The following ERBIN variants were observed in gnomAD, a reference collection of about 807,000 sequenced individuals.
ERBIN encodes erbb2 interacting protein, also known as densin-180-like protein.
Under a neutral mutation model 158.4 loss-of-function variants are expected in ERBIN, and 60 were observed. That is an observed-to-expected ratio of 0.38 (90% CI 0.31 to 0.47). The LOEUF is 0.47. Among genes scored for constraint, ERBIN ranks in the 20% least tolerant of loss-of-function variants. The pLI is 0.99. For missense variants in ERBIN, 1,610 were observed against 1,648.0 expected (o/e 0.98, Z 0.40); for synonymous variants, 594 against 557.2 (o/e 1.07, Z -0.93).
intron 22 of ERBIN, among the ~76,000 whole-genome samples, chr5:66,074,307 G>A (rs1761788208): frequency 6.6e-6 from 1 of 152,004 alleles, no homozygotes; most frequent in African/African-American, 2.4e-5. Flanking sequence ...AACAAAGATA[G>A]TTCTCTAACA....
Position 66,072,152 on chromosome 5 carries a change from T to A in ERBIN, c.3634-17T>A. On this transcript the variant is annotated splice_polypyrimidine_tract_variant and intron_variant, in intron 21 of 25. Transcript: ENST00000284037. Reference sequence around the variant, plus strand: ...TAAAGAACATTATTTGTTTACTTTTTATTTCCTGCTCATTAGAAGCATCCC... The same window carrying A: ...TAAAGAACATTATTTGTTTACTTTTAATTTCCTGCTCATTAGAAGCATCCC... 1 of 1,545,856 alleles carries A rather than the reference T, an allele frequency of 6.5e-7. No homozygotes were observed. Among genetic ancestry groups the A allele is most frequent in the Middle Eastern group, 1.7e-4 (1 of 5,974 alleles).
intron 1 of ERBIN, among the ~76,000 whole-genome samples, chr5:65,983,604 A>G (rs1750881879): frequency 6.8e-6 from 1 of 146,274 alleles, no homozygotes; most frequent in Admixed American, 6.7e-5. Context: ...ATCTTACACA[A>G]CCACTAAATA....
At chr5:66,068,797 A>G in intron 21 of ERBIN, 2 of 1,260,092 alleles carry the variant, frequency 1.6e-6, no homozygotes, top group Non-Finnish European at 2.1e-6. Flanking sequence ...TTACTTGTAA[A>G]TAAGTCTACG....
rs546975549 is a variant in ERBIN, at chr5:65,980,720, G to A, written c.-57-7915G>A. On this transcript the variant is annotated intron_variant, in intron 1 of 25. Coordinates refer to ENST00000284037, the MANE Select transcript of ERBIN (RefSeq NM_001253697.2). ...ATACTAAAAGACAAGGATTACTAGC[G>A]GGAAAAAAAAAACCTCGTAATGTGA... Among the ~76,000 whole-genome samples the A allele has an allele frequency of 3.3e-5, 5 of 150,910 alleles. No homozygotes were observed. In the East Asian group the frequency reaches 5.8e-4, roughly 18 times the overall value.
Position 66,025,847 on chromosome 5 carries a change from G to T in ERBIN, c.891-1G>T. On this transcript the variant is annotated splice_acceptor_variant, in intron 11 of 25. Transcript: ENST00000284037. LOFTEE classifies it high-confidence loss of function. Reference sequence around the variant, plus strand: ...TATATATTTCTTTTTTTAAATTAAAGGTTAATATCAGTAGAAGAACTGGAT... The same window carrying T: ...TATATATTTCTTTTTTTAAATTAAATGTTAATATCAGTAGAAGAACTGGAT... 6.9e-7 allele frequency: 1 copy of T among 1,453,392 alleles called. No individual in the cohort carries two copies. Among genetic ancestry groups the T allele is most frequent in the East Asian group, 2.5e-5 (1 of 39,580 alleles). 90.0% of individuals were successfully genotyped at this position (1,453,392 alleles called of 1,614,324 possible). A position where few individuals can be genotyped will look rare whatever the true frequency, so the allele number is the denominator to read the frequency against.
At chr5:66,036,063 T>C (rs1163032519) in intron 14 of ERBIN, among the ~76,000 whole-genome samples, 1 of 151,938 alleles carries the variant, frequency 6.6e-6, no homozygotes, top group Non-Finnish European at 1.5e-5. Context: ...CACTCCAGCC[T>C]CCAGCCTGGG....
chr5:66,025,438 A>G (rs367570177), intron 10 of ERBIN, 42 bp from the exon 11 acceptor site: 31 of 1,488,310 alleles, frequency 2.1e-5, no homozygotes, highest in African/African-American at 1.5e-4. Flanking sequence ...ACTTGCTTCT[A>G]TTTTAAGCTG....
At chr5:66,072,332 T>C in intron 22 of ERBIN, 41 bp downstream of exon 22, 8 of 1,542,592 alleles carry the variant, frequency 5.2e-6, no homozygotes, top group Non-Finnish European at 7.0e-6. Context: ...CTGTGAGCTT[T>C]CTATATTTTG....
Position 66,048,903 on chromosome 5 carries a change from A to G in ERBIN, c.1903+122A>G, listed in dbSNP as rs953163956. ...ACATTTTAGAAACAAATTTTTAGAC[A>G]TGGCTTTCTGAAAGGTTCTCTTTCC... On this transcript the variant is annotated intron_variant, in intron 19 of 25. Transcript: ENST00000284037. 4 of 564,624 alleles carry G rather than the reference A, an allele frequency of 7.1e-6. No homozygotes were observed. In the African/African-American group the frequency reaches 7.9e-5, roughly 11 times the overall value. 35.0% of individuals were successfully genotyped at this position (564,624 alleles called of 1,614,324 possible). A position where few individuals can be genotyped will look rare whatever the true frequency, so the allele number is the denominator to read the frequency against.
intron 21 of ERBIN, among the ~76,000 whole-genome samples, chr5:66,059,826 A>G (rs891675910): frequency 1.3e-5 from 2 of 152,184 alleles, no homozygotes; most frequent in South Asian, 2.1e-4. Flanking sequence ...TTCTGTTTAT[A>G]TGCTGGATTA....
intron 1 of ERBIN, among the ~76,000 whole-genome samples, chr5:65,940,505 T>A (rs1259274256): frequency 1.4e-5 from 1 of 72,828 alleles, no homozygotes; most frequent in South Asian, 5.4e-4. Flanking sequence ...CCGCCCCGTC[T>A]GGGAGGGAGG....
intron 1 of ERBIN, among the ~76,000 whole-genome samples, chr5:65,952,615 AG>A (rs1746648488): frequency 6.6e-6 from 1 of 152,178 alleles, no homozygotes. Flanking sequence ...TTCCCTGAAA[AG>A]GTATATGGAA....
intron 17 of ERBIN, among the ~76,000 whole-genome samples, chr5:66,046,049 G>C (rs974450480): frequency 6.6e-6 from 1 of 152,030 alleles, no homozygotes; most frequent in Non-Finnish European, 1.5e-5. Context: ...TTAACCATCC[G>C]GAGTTGAGTT....
At chr5:66,044,376 A>T in intron 17 of ERBIN, 66 bp downstream of exon 17, 1 of 1,425,800 alleles carries the variant, frequency 7.0e-7, no homozygotes, top group South Asian at 1.4e-5. Context: ...GACAGTTGAT[A>T]TAGTGCCCCT....
intron 14 of ERBIN, among the ~76,000 whole-genome samples, chr5:66,029,223 C>G (rs533247329): frequency 1.7e-4 from 26 of 152,172 alleles, no homozygotes; most frequent in Admixed American, 1.4e-3. Flanking sequence ...TTTGAGGAAC[C>G]TCCATAATAT....
At chr5:66,049,198 T>C (rs1056618740) in intron 19 of ERBIN, among the ~76,000 whole-genome samples, 1 of 152,106 alleles carries the variant, frequency 6.6e-6, no homozygotes, top group Non-Finnish European at 1.5e-5. Flanking sequence ...CGTTATTTTA[T>C]TGATTGTATC....
In ERBIN at chr5:66,046,550, T is replaced by G; in HGVS notation, c.1788+12T>G. 6.4e-7 allele frequency: 1 copy of G among 1,557,336 alleles called. No individual in the cohort carries two copies. The highest frequency in any genetic ancestry group is 8.7e-7 in the Non-Finnish European group (1 of 1,150,204). On this transcript the variant is annotated intron_variant, in intron 18 of 25. Coordinates refer to ENST00000284037, the MANE Select transcript of ERBIN (RefSeq NM_001253697.2). ...ATGATGTTTTTGAGGTATGATTTTATGATTATTCTGGAGCAACTATAAGAA... is the reference window on the plus strand; with the variant it reads ...ATGATGTTTTTGAGGTATGATTTTAGGATTATTCTGGAGCAACTATAAGAA...
At chr5:65,961,386 A>T (rs765379115) in intron 1 of ERBIN, 3 of 152,210 alleles carry the variant, frequency 2.0e-5, no homozygotes, top group Non-Finnish European at 1.5e-5. Context: ...ATCAGAGTTA[A>T]TATTTGTAAA....
Position 66,054,423 on chromosome 5 carries a change from T to C in ERBIN, c.3105T>C (p.Asn1035=), listed in dbSNP as rs769782400. The change falls in exon 21 of 26, where the codon AAT becomes AAC. Residue 1035 remains asparagine, a synonymous_variant. Transcript: ENST00000284037. Reference sequence around the variant, plus strand: ...ATATGAATTTCTCTAATCATAACAATGTTCGAGCTAATACTGCATACCATT... The same window carrying C: ...ATATGAATTTCTCTAATCATAACAACGTTCGAGCTAATACTGCATACCATT... ...SANMNFSNHN[N]VRANTAYHLH... The C allele has an allele frequency of 4.1e-5, 66 of 1,614,038 alleles. No homozygotes were observed. Among genetic ancestry groups the C allele is most frequent in the Non-Finnish European group, 5.4e-5 (64 of 1,180,038 alleles).
Sources: allele counts gnomAD v4.1 joint callset (sites outside exome capture counted in the v4.1 genomes callset), GRCh38; gene constraint gnomAD v4.1.1; transcripts MANE v1.5; gene names NCBI Gene and HGNC (gene_info 2026-07-23, HGNC 2026-07-21).